Variants in RYR2 observed in about 807,000 individuals in gnomAD.
RYR2 encodes the protein cardiac muscle ryanodine receptor-calcium release channel.
Under a neutral mutation model 601.1 loss-of-function variants are expected in RYR2, and 227 were observed. The ratio of observed to expected loss-of-function variants is 0.38; its 90% CI spans 0.34 to 0.42. The LOEUF (loss-of-function observed/expected upper bound fraction) is 0.42, where lower values mean the gene tolerates loss of function less well. Ranked by LOEUF, RYR2 falls within the 10% of genes least tolerant of loss-of-function variation. The pLI is 1.00. For missense variants in RYR2, 4,646 were observed against 6,156.5 expected, an observed-to-expected ratio of 0.75 and a Z score of 8.21; for synonymous variants, 2,223 against 2,175.1, an observed-to-expected ratio of 1.02 and a Z score of -0.61.
In RYR2 at chr1:237,707,033, C is replaced by T. The variant is rs1276749547; in HGVS notation, c.9665C>T (p.Ala3222Val). 1 of 1,613,792 alleles carries T rather than the reference C, an allele frequency of 6.2e-7. No homozygotes were observed. The highest frequency in any genetic ancestry group is 2.2e-5 in the East Asian group (1 of 44,876). Residue 3222 changes from alanine (A) to valine (V), a missense_variant, in exon 68 of 105, where the codon GCC (alanine) becomes GTC (valine). Ala to Val is a moderately conservative substitution (Grantham distance 64, BLOSUM62 0). Around this residue, in one of 17 missense-constraint regions of RYR2, gnomAD observed 1,497 missense variants for 1,842.6 expected, o/e 0.81. Coordinates refer to ENST00000366574, the MANE Select transcript of RYR2 (RefSeq NM_001035.3). Reference sequence around the variant, plus strand: ...CTCATGGAAGAAATCGTGGAATTAGCCGAGTCCGGCATTCGCTACACTCAA... The same window carrying T: ...CTCATGGAAGAAATCGTGGAATTAGTCGAGTCCGGCATTCGCTACACTCAA... Reference protein sequence around the residue: ...EKLMEEIVELAESGIRYTQMP... With the variant: ...EKLMEEIVELVESGIRYTQMP...
At chr1:237,798,507 T>C (rs1331108690) in intron 97 of RYR2, among the ~76,000 whole-genome samples, 1 of 152,152 alleles carries the variant, frequency 6.6e-6, no homozygotes, top group Non-Finnish European at 1.5e-5. Context: ...TGTTTTCTGG[T>C]AATTCCTGTT....
intron 2 of RYR2, among the ~76,000 whole-genome samples, chr1:237,312,594 A>G (rs1301855875): frequency 6.6e-6 from 1 of 152,256 alleles, no homozygotes; most frequent in Non-Finnish European, 1.5e-5. Flanking sequence ...ATGTTTGGAT[A>G]TGTTTTCTCA....
In RYR2 at chr1:237,527,014, G is replaced by A. The variant is rs75365715; in HGVS notation, c.2823-3413G>A. ...GATAGAGGTGCAATTTCATTCTTCCGCATATGGCTAGCCATTTTTTCCAGC... is the reference window on the plus strand; with the variant it reads ...GATAGAGGTGCAATTTCATTCTTCCACATATGGCTAGCCATTTTTTCCAGC... On this transcript the variant is annotated intron_variant, in intron 24 of 104. Coordinates refer to ENST00000366574, the MANE Select transcript of RYR2 (RefSeq NM_001035.3). Among the ~76,000 whole-genome samples the A allele has an allele frequency of 4.8e-3, 726 of 152,140 alleles. 7 individuals are homozygous for A. Among genetic ancestry groups the A allele is most frequent in the African/African-American group, 0.016 (672 of 41,510 alleles).
At chr1:237,808,759 TGA>T in intron 99 of RYR2, 140 bp from the exon 100 acceptor site, 1 of 630,432 alleles carries the variant, frequency 1.6e-6, no homozygotes, top group Non-Finnish European at 2.8e-6. Flanking sequence ...CTAAGAAAGG[TGA>T]GAAATAAGTT....
At position 237,273,437 on chromosome 1, in the gene RYR2, G is replaced by A. The variant is rs145135212; in HGVS notation, c.168+2821G>A. On this transcript the variant is annotated intron_variant, in intron 2 of 104. Coordinates refer to ENST00000366574, the MANE Select transcript of RYR2 (RefSeq NM_001035.3). ...ACTGGCACTGATCCATGGCCCAGGG[G>A]TTGGGGACCCCTGCCCCAAGAAAAC... Among the ~76,000 whole-genome samples, 3 of 152,326 alleles carry A rather than the reference G, an allele frequency of 2.0e-5. No individual in the cohort carries two copies. In the East Asian group the frequency reaches 5.8e-4, roughly 29 times the overall value.
chr1:237,795,167 A>C lies in RYR2; in HGVS notation c.13914-122A>C, dbSNP rs115093505. The C allele has an allele frequency of 6.8e-3, 3,360 of 497,056 alleles. 105 individuals are homozygous for C. The highest frequency in any genetic ancestry group is 0.062 in the African/African-American group (3,044 of 48,804). 30.8% of individuals were successfully genotyped at this position (497,056 alleles called of 1,614,324 possible). A position where few individuals can be genotyped will look rare whatever the true frequency, so the allele number is the denominator to read the frequency against. ...ATGTGATGTTAGCCAAATTCATTGT[A>C]AGTTTACGTGGCAGGATATATGTTT... On this transcript the variant is annotated intron_variant, in intron 95 of 104. Transcript: ENST00000366574.
Position 237,648,620 on chromosome 1 carries a change from T to C in RYR2, c.7512+7T>C, listed in dbSNP as rs1480725736. The stretch of plus-strand genomic sequence containing the variant: ...GGCTGCTTCTTTAGATACGGTGAGA[T>C]TGGAGCGATGGACTTCCTCCTCTCT... On this transcript the variant is annotated splice_region_variant and intron_variant, in intron 49 of 104. Transcript: ENST00000366574. The C allele has an allele frequency of 6.2e-6, 10 of 1,605,378 alleles. No homozygotes were observed. The highest frequency in any genetic ancestry group is 8.5e-6 in the Non-Finnish European group (10 of 1,175,304).
At chr1:237,113,342 G>A (rs1669708176) in intron 1 of RYR2, among the ~76,000 whole-genome samples, 1 of 151,886 alleles carries the variant, frequency 6.6e-6, no homozygotes, top group South Asian at 2.1e-4. Flanking sequence ...GGGATTACAG[G>A]TGTGCGCCAC....
chr1:237,571,186 T>A (rs1305218356), intron 29 of RYR2, among the ~76,000 whole-genome samples: 1 of 152,126 alleles, frequency 6.6e-6, no homozygotes, highest in Non-Finnish European at 1.5e-5. Context: ...CAAAATGGCT[T>A]TTGAATATAT....
At chr1:237,138,427 G>A (rs1029474133) in intron 1 of RYR2, among the ~76,000 whole-genome samples, 27 of 152,206 alleles carry the variant, frequency 1.8e-4, no homozygotes, top group African/African-American at 6.3e-4. Context: ...CCATGGCCTA[G>A]GAGACAAGAG....
At chr1:237,238,949 G>A (rs1016448756) in intron 1 of RYR2, among the ~76,000 whole-genome samples, 1 of 152,128 alleles carries the variant, frequency 6.6e-6, no homozygotes, top group African/African-American at 2.4e-5. Flanking sequence ...CCAGTCATCA[G>A]CATCATACAC....
intron 57 of RYR2, among the ~76,000 whole-genome samples, chr1:237,667,145 C>T (rs1684398059): frequency 6.6e-6 from 1 of 152,076 alleles, no homozygotes; most frequent in African/African-American, 2.4e-5. Context: ...ACCAAGGAAC[C>T]TACTTTGAAA....
intron 100 of RYR2, among the ~76,000 whole-genome samples, chr1:237,810,564 A>T (rs1312474368): frequency 6.6e-6 from 1 of 152,166 alleles, no homozygotes; most frequent in East Asian, 1.9e-4. Flanking sequence ...TGTGACACCT[A>T]TCAAATTTTT....
intron 1 of RYR2, among the ~76,000 whole-genome samples, chr1:237,131,728 A>AT (rs138810409): frequency 0.015 from 2,161 of 147,412 alleles, 27 homozygotes; most frequent in South Asian, 0.034. Flanking sequence ...TCAAATCTGC[A>AT]TTTTTTTTTT....
intron 1 of RYR2, among the ~76,000 whole-genome samples, chr1:237,210,389 T>G (rs1572213877): frequency 6.9e-6 from 1 of 144,782 alleles, no homozygotes; most frequent in African/African-American, 2.9e-5. Flanking sequence ...CAAAGGTCTG[T>G]TTTTTTTCTT....
chr1:237,625,301 A>G (rs1027668029), intron 39 of RYR2, among the ~76,000 whole-genome samples: 3 of 152,172 alleles, frequency 2.0e-5, no homozygotes, highest in Non-Finnish European at 2.9e-5. Flanking sequence ...TGGTGTAGGC[A>G]GGGCTGGACT....
intron 3 of RYR2, among the ~76,000 whole-genome samples, chr1:237,345,460 T>A (rs898499563): frequency 4.9e-4 from 63 of 128,742 alleles, no homozygotes; most frequent in Non-Finnish European, 6.9e-4. Context: ...TGCCAAAAAA[T>A]AAAAAATAAA....
At chr1:237,425,996 C>A (rs1706113029) in intron 12 of RYR2, among the ~76,000 whole-genome samples, 1 of 151,822 alleles carries the variant, frequency 6.6e-6, no homozygotes, top group Non-Finnish European at 1.5e-5. Context: ...GATCATTATT[C>A]TTTATGTAAT....
At chr1:237,439,367 G>A (rs369660195) in intron 12 of RYR2, among the ~76,000 whole-genome samples, 5 of 152,230 alleles carry the variant, frequency 3.3e-5, no homozygotes, top group South Asian at 2.1e-4. Flanking sequence ...GTCATCGGCC[G>A]GGAGCGGTGG....
Sources: gnomAD v4.1 joint callset for allele counts (sites outside exome capture counted in the v4.1 genomes callset) on GRCh38, gnomAD v4.1.1 for gene constraint, gnomAD v4.1.1 regional missense constraint, MANE v1.5 for transcripts, NCBI Gene and HGNC (gene_info 2026-07-23, HGNC 2026-07-21) for gene names.